The following DENND1B variants were observed in gnomAD, a reference collection of about 807,000 sequenced individuals.
DENND1B encodes the protein DENN domain containing 1B, also known as DENN domain-containing protein 1B.
In DENND1B, 59 loss-of-function variants were observed where a neutral mutation model predicts 90.1. That is an observed-to-expected ratio of 0.65 (90% confidence interval 0.53 to 0.81). DENND1B has a LOEUF of 0.81. DENND1B is among the 40% of genes least tolerant of loss of function. DENND1B has a pLI of 0.00. For missense variants in DENND1B, 862 were observed against 912.6 expected (o/e 0.94, Z 0.71); for synonymous variants, 337 against 324.6 (o/e 1.04, Z -0.41).
At chr1:197,676,211 G>T (rs903306896) in intron 3 of DENND1B, among the ~76,000 whole-genome samples, 1 of 152,030 alleles carries the variant, frequency 6.6e-6, no homozygotes, top group Non-Finnish European at 1.5e-5. Context: ...CTAGCTCCCA[G>T]GGCTTGGTTT....
At chr1:197,524,668 G>GC (rs1669015240) in intron 20 of DENND1B, among the ~76,000 whole-genome samples, 1 of 152,120 alleles carries the variant, frequency 6.6e-6, no homozygotes, top group Non-Finnish European at 1.5e-5. Flanking sequence ...CTCTAGATCA[G>GC]CAGGCCTAGC....
intron 22 of DENND1B, among the ~76,000 whole-genome samples, chr1:197,511,359 G>A (rs895197878): frequency 1.3e-5 from 2 of 151,664 alleles, no homozygotes; most frequent in Non-Finnish European, 2.9e-5. Context: ...AAAATGATTT[G>A]AATGAATACA....
chr1:197,673,877 A>G (rs1655779618), intron 4 of DENND1B, among the ~76,000 whole-genome samples: 1 of 152,180 alleles, frequency 6.6e-6, no homozygotes, highest in Non-Finnish European at 1.5e-5. Context: ...AAAAAATAGA[A>G]CCTGTTGGTA....
chr1:197,628,186 A>C (rs1487861317), intron 10 of DENND1B, among the ~76,000 whole-genome samples: 2 of 152,162 alleles, frequency 1.3e-5, no homozygotes, highest in African/African-American at 4.8e-5. Context: ...TTTAAAGTTC[A>C]TATAGAACCA....
chr1:197,557,645 C>CA (rs1671823116), intron 15 of DENND1B, among the ~76,000 whole-genome samples: 1 of 151,840 alleles, frequency 6.6e-6, no homozygotes, highest in South Asian at 2.1e-4. Context: ...TGATTTCATG[C>CA]ATATACATAC....
intron 2 of DENND1B, among the ~76,000 whole-genome samples, chr1:197,725,127 T>G (rs1407183166): frequency 2.0e-5 from 3 of 152,088 alleles, no homozygotes. Flanking sequence ...ACAACAAACC[T>G]AAGCAAGATC....
At chr1:197,605,262 T>C (rs1676568743) in intron 13 of DENND1B, among the ~76,000 whole-genome samples, 1 of 151,090 alleles carries the variant, frequency 6.6e-6, no homozygotes. Flanking sequence ...TTTAAATACT[T>C]ACATGTGTGA....
At chr1:197,638,142 G>A (rs1435908628) in intron 10 of DENND1B, among the ~76,000 whole-genome samples, 2 of 152,190 alleles carry the variant, frequency 1.3e-5, no homozygotes, top group Non-Finnish European at 2.9e-5. Context: ...ATTAATGAGA[G>A]GAGAGAAAAG....
intron 5 of DENND1B, among the ~76,000 whole-genome samples, chr1:197,664,922 C>A (rs1654791324): frequency 6.6e-6 from 1 of 151,950 alleles, no homozygotes; most frequent in South Asian, 2.1e-4. Context: ...TCATTTTGAA[C>A]CCTTGGCGAC....
intron 3 of DENND1B, among the ~76,000 whole-genome samples, chr1:197,700,287 C>T (rs1368739569): frequency 6.6e-6 from 1 of 152,004 alleles, no homozygotes; most frequent in East Asian, 1.9e-4. Flanking sequence ...ACCAATGGAA[C>T]AGAAAAGAGA....
chr1:197,585,612 C>T (rs886841136), intron 14 of DENND1B, among the ~76,000 whole-genome samples: 1 of 152,194 alleles, frequency 6.6e-6, no homozygotes, highest in African/African-American at 2.4e-5. Context: ...CTTGTGATGA[C>T]ACAAATCATG....
rs1383594178 is a variant in DENND1B, at chr1:197,772,907, A to G, written c.43T>C (p.Leu15=). The G allele has an allele frequency of 2.6e-6, 4 of 1,551,878 alleles. No individual in the cohort carries two copies. In the Admixed American group the frequency reaches 7.8e-5, roughly 30 times the overall value. Residue 15 remains leucine, a synonymous_variant, in exon 2 of 23, where the codon TTG becomes CTG. Coordinates refer to ENST00000620048, the MANE Select transcript of DENND1B (RefSeq NM_001195215.2). ...GCATGACATTTCACTTTCAACACCAAGTCAAAGGTTCTGTCTGGATTTGCC... is the reference window on the plus strand; with the variant it reads ...GCATGACATTTCACTTTCAACACCAGGTCAAAGGTTCTGTCTGGATTTGCC... ...TKANPDRTFD[L]VLKVKCHASE... is the part of the protein sequence containing the mutation.
intron 15 of DENND1B, among the ~76,000 whole-genome samples, chr1:197,582,413 A>G (rs1366224788): frequency 6.6e-6 from 1 of 152,132 alleles, no homozygotes; most frequent in Non-Finnish European, 1.5e-5. Context: ...TATGACACAC[A>G]GTAGGTCTTC....
chr1:197,606,517 AC>A (rs954860940), intron 13 of DENND1B: 1 of 151,332 alleles, frequency 6.6e-6, no homozygotes, highest in African/African-American at 2.4e-5. Flanking sequence ...TTAAAATAAA[AC>A]TGAAATAATT....
At chr1:197,673,765 G>C (rs1655770076) in intron 4 of DENND1B, among the ~76,000 whole-genome samples, 1 of 151,898 alleles carries the variant, frequency 6.6e-6, no homozygotes, top group African/African-American at 2.4e-5. Flanking sequence ...ATAGAAACCA[G>C]GAAACATACA....
chr1:197,638,943 C>T (rs949596307), intron 10 of DENND1B, among the ~76,000 whole-genome samples: 2 of 151,978 alleles, frequency 1.3e-5, no homozygotes, highest in African/African-American at 2.4e-5. Flanking sequence ...GGTACTAACA[C>T]AATACCACAC....
rs1043088403 is a variant in DENND1B, at chr1:197,680,503, T to C, written c.127-6334A>G. Among the ~76,000 whole-genome samples, 3 of 152,198 alleles carry C rather than the reference T, an allele frequency of 2.0e-5. No homozygotes were observed. The East Asian group carries it at 5.8e-4, about 29-fold the overall frequency. On this transcript the variant is annotated intron_variant, in intron 3 of 22. Coordinates refer to ENST00000620048, the MANE Select transcript of DENND1B (RefSeq NM_001195215.2). The stretch of plus-strand genomic sequence containing the variant: ...AAAAAGTTTTACAGCAGTTGACTAA[T>C]GATCAGTTACCATGACTCCAACCCA...
At chr1:197,632,442 G>T (rs1347529622) in intron 10 of DENND1B, among the ~76,000 whole-genome samples, 1 of 152,026 alleles carries the variant, frequency 6.6e-6, no homozygotes, top group Non-Finnish European at 1.5e-5. Context: ...CGAGAATGAG[G>T]TGTCATATTG....
chr1:197,671,445 C>T (rs768840097), intron 5 of DENND1B, among the ~76,000 whole-genome samples: 3 of 152,152 alleles, frequency 2.0e-5, no homozygotes, highest in Admixed American at 2.0e-4. Context: ...GCTCATGACA[C>T]AACTAAAAAT....
Sources: gnomAD v4.1 joint callset for allele counts (sites outside exome capture counted in the v4.1 genomes callset) on GRCh38, gnomAD v4.1.1 for gene constraint, MANE v1.5 for transcripts, NCBI Gene and HGNC (gene_info 2026-07-23, HGNC 2026-07-21) for gene names.